The following RAD50 variants were observed in gnomAD, a reference collection of about 807,000 sequenced individuals.
RAD50 encodes the protein RAD50 double strand break repair protein.
RAD50 carries 132 observed loss-of-function variants against 168.8 expected under a neutral mutation model. That is an observed-to-expected ratio of 0.78 (90% CI 0.68 to 0.90). The LOEUF is 0.90. Among genes scored for constraint, RAD50 ranks in the 40% least tolerant of loss-of-function variants. The pLI is 0.00. For missense variants in RAD50, 1,347 were observed against 1,534.4 expected, an observed-to-expected ratio of 0.88 and a Z score of 2.04; for synonymous variants, 525 against 497.4, an observed-to-expected ratio of 1.06 and a Z score of -0.74.
chr5:132,640,769 G>A lies in RAD50; in HGVS notation c.3716G>A (p.Arg1239Gln), dbSNP rs35861031. Residue 1239 changes from arginine (R) to glutamine (Q), a missense_variant, in exon 24 of 25, where the codon CGA becomes CAA. Coordinates refer to ENST00000378823, the MANE Select transcript of RAD50 (RefSeq NM_005732.4). ...ALDEPTTNLD[R>Q]ENIESLAHAL... Reference sequence around the variant, plus strand: ...GATGAGCCAACAACAAATCTTGACCGAGAAAACATTGAATCTCTTGCACAT... The same window carrying A: ...GATGAGCCAACAACAAATCTTGACCAAGAAAACATTGAATCTCTTGCACAT... 2.1e-5 allele frequency: 34 copies of A among 1,614,148 alleles called. 1 individual carries two copies. The highest frequency in any genetic ancestry group is 1.1e-4 in the African/African-American group (8 of 75,038).
At chr5:132,574,407 C>G (rs191689061) in intron 2 of RAD50, among the ~76,000 whole-genome samples, 2 of 152,318 alleles carry the variant, frequency 1.3e-5, no homozygotes, top group East Asian at 3.9e-4. Context: ...GGCACCAAGT[C>G]CCTAGACCGC....
intron 2 of RAD50, among the ~76,000 whole-genome samples, chr5:132,560,568 C>T (rs1028617852): frequency 2.9e-4 from 44 of 152,136 alleles, no homozygotes; most frequent in African/African-American, 5.3e-4. Flanking sequence ...ATGAGAATTC[C>T]CTTATTTTCC....
intron 2 of RAD50, among the ~76,000 whole-genome samples, chr5:132,564,771 A>AG (rs1750178856): frequency 1.3e-5 from 2 of 152,204 alleles, no homozygotes; most frequent in Admixed American, 1.3e-4. Context: ...CTCCCATTAC[A>AG]GGACACTACT....
chr5:132,623,253 C>T (rs548282356), intron 21 of RAD50, among the ~76,000 whole-genome samples: 6 of 152,138 alleles, frequency 3.9e-5, no homozygotes, highest in South Asian at 2.1e-4. Context: ...CCGAGGTGGG[C>T]GGATCACTTG....
intron 5 of RAD50, among the ~76,000 whole-genome samples, chr5:132,580,879 A>G (rs1447823591): frequency 6.6e-6 from 1 of 152,206 alleles, no homozygotes; most frequent in Non-Finnish European, 1.5e-5. Flanking sequence ...TTTTAAAGTC[A>G]TTAAAAAATT....
chr5:132,570,747 T>C (rs778882765), intron 2 of RAD50, among the ~76,000 whole-genome samples: 4 of 152,236 alleles, frequency 2.6e-5, no homozygotes, highest in Admixed American at 1.3e-4. Context: ...CACTTTCTTA[T>C]CATTTGTGTG....
chr5:132,557,708 C>A (rs1327779802), intron 1 of RAD50, among the ~76,000 whole-genome samples: 4 of 152,094 alleles, frequency 2.6e-5, no homozygotes, highest in African/African-American at 9.7e-5. Flanking sequence ...GAGCTGTCGC[C>A]GCTCACTCAG....
In RAD50 at chr5:132,642,307, T is replaced by A; in HGVS notation, c.3882T>A (p.Asp1294Glu). The part of the protein sequence containing the change: ...EKFYRIKKNI[D>E]QCSEIVKCSV... ...TCTACAGGATTAAAAAGAACATCGATCAGTGCTCAGAGATTGTGAAATGCA... is the reference window on the plus strand; with the variant it reads ...TCTACAGGATTAAAAAGAACATCGAACAGTGCTCAGAGATTGTGAAATGCA... Residue 1294 changes from aspartate (D) to glutamate (E), a missense_variant, in exon 25 of 25, where the codon GAT becomes GAA. By Grantham distance (45) the Asp-to-Glu change is conservative. Transcript: ENST00000378823. The A allele has an allele frequency of 6.2e-7, 1 of 1,614,100 alleles. No homozygotes were observed. Among genetic ancestry groups the A allele is most frequent in the Non-Finnish European group, 8.5e-7 (1 of 1,179,982 alleles).
intron 19 of RAD50, among the ~76,000 whole-genome samples, chr5:132,610,166 A>G (rs531355198): frequency 2.0e-5 from 3 of 152,092 alleles, no homozygotes; most frequent in Non-Finnish European, 4.4e-5. Flanking sequence ...TGATTATAAA[A>G]TAGTCCATTT....
At chr5:132,587,432 A>C (rs1327640942) in intron 5 of RAD50, 130 bp from the exon 6 acceptor site, 1 of 1,353,940 alleles carries the variant, frequency 7.4e-7, no homozygotes, top group East Asian at 2.5e-5. Context: ...CCTGCTCTAC[A>C]GTGTTATTGT....
In RAD50 at chr5:132,595,807, T is replaced by A. The variant is rs757043253; in HGVS notation, c.2204T>A (p.Met735Lys). ...RRDEMLGLVP[M>K]RQSIIDLKEK... ...GATGAAATGCTGGGACTTGTGCCCATGAGGTAAGAATGGGATTTACCTTCA... is the reference window on the plus strand; with the variant it reads ...GATGAAATGCTGGGACTTGTGCCCAAGAGGTAAGAATGGGATTTACCTTCA... Residue 735 changes from methionine to lysine, a missense_variant, in exon 13 of 25, where the codon ATG becomes AAG. Coordinates refer to ENST00000378823, the MANE Select transcript of RAD50 (RefSeq NM_005732.4). The A allele has an allele frequency of 5.0e-6, 8 of 1,599,436 alleles. No homozygotes were observed. The highest frequency in any genetic ancestry group is 3.3e-4 in the Middle Eastern group (2 of 6,038).
intron 21 of RAD50, among the ~76,000 whole-genome samples, chr5:132,631,850 T>G (rs538198488): frequency 1.3e-5 from 2 of 152,236 alleles, no homozygotes; most frequent in Admixed American, 1.3e-4. Context: ...GGATTGCAGG[T>G]GTGAGCCACC....
intron 7 of RAD50, among the ~76,000 whole-genome samples, chr5:132,588,411 G>T (rs1750634034): frequency 6.6e-6 from 1 of 152,078 alleles, no homozygotes. Context: ...ACCGACACAG[G>T]TGATAAAATT....
intron 24 of RAD50, 41 bp from the exon 25 acceptor site, chr5:132,642,137 A>G: frequency 6.3e-7 from 1 of 1,587,782 alleles, no homozygotes; most frequent in Non-Finnish European, 8.6e-7. Context: ...AGAAGGGGTT[A>G]TGCTCTTTAC....
chr5:132,636,824 T>G (rs1280882625), intron 21 of RAD50, among the ~76,000 whole-genome samples: 1 of 152,156 alleles, frequency 6.6e-6, no homozygotes, highest in African/African-American at 2.4e-5. Context: ...TCACAGTATT[T>G]AAGTATTTAC....
chr5:132,624,168 G>T (rs982686453), intron 21 of RAD50, among the ~76,000 whole-genome samples: 4 of 151,994 alleles, frequency 2.6e-5, no homozygotes, highest in African/African-American at 9.7e-5. Flanking sequence ...AATGTTCCCT[G>T]GGTCCAAAAT....
chr5:132,621,427 G>A (rs754670823), intron 21 of RAD50, among the ~76,000 whole-genome samples: 1 of 152,148 alleles, frequency 6.6e-6, no homozygotes, highest in Non-Finnish European at 1.5e-5. Context: ...CATCACAAAT[G>A]AGTAATAATT....
At chr5:132,612,266 G>A (rs1002342037) in intron 19 of RAD50, among the ~76,000 whole-genome samples, 1 of 152,182 alleles carries the variant, frequency 6.6e-6, no homozygotes, top group Admixed American at 6.5e-5. Flanking sequence ...GTCACATAAT[G>A]TACGATTCCA....
At position 132,639,131 on chromosome 5, in the gene RAD50, C is replaced by T. The variant is rs183841798; in HGVS notation, c.3618+908C>T. Among the ~76,000 whole-genome samples, 419 of 151,856 alleles carry T rather than the reference C, an allele frequency of 2.8e-3. 1 individual carries two copies. The highest frequency in any genetic ancestry group is 9.4e-3 in the African/African-American group (390 of 41,400). ...CAGCACTTTGGAAGGCCGAGGCGGGCAGATCACCTGAGGTCAGGAGTTCGA... is the reference window on the plus strand; with the variant it reads ...CAGCACTTTGGAAGGCCGAGGCGGGTAGATCACCTGAGGTCAGGAGTTCGA... On this transcript the variant is annotated intron_variant, in intron 23 of 24. Transcript: ENST00000378823.
Sources: allele counts gnomAD v4.1 joint callset (sites outside exome capture counted in the v4.1 genomes callset), GRCh38; gene constraint gnomAD v4.1.1; transcripts MANE v1.5; gene names NCBI Gene and HGNC (gene_info 2026-07-23, HGNC 2026-07-21).